Variants in SAMD4B observed in about 807,000 individuals in gnomAD.
The protein encoded by SAMD4B is sterile alpha motif domain containing 4B, also known as protein Smaug homolog 2.
In SAMD4B, 5 loss-of-function variants were observed where a neutral mutation model predicts 74.5. That is an observed-to-expected ratio of 0.07 (90% CI 0.04 to 0.14). SAMD4B has a LOEUF of 0.14. SAMD4B is among the 10% of genes least tolerant of loss of function. The pLI, the probability that SAMD4B is intolerant of heterozygous loss-of-function variation, is 1.00. For synonymous variants in SAMD4B, 373 were observed against 374.9 expected, an observed-to-expected ratio of 1.00 and a Z score of 0.06; for missense variants, 608 against 921.8, an observed-to-expected ratio of 0.66 and a Z score of 4.41.
downstream of SAMD4B, chr19:39,389,520 G>A: frequency 6.2e-7 from 1 of 1,614,180 alleles, no homozygotes; most frequent in Non-Finnish European, 8.5e-7. This position sits in a 1 kb window ranked among gnomAD's most constrained non-coding sequence, Gnocchi z 5.3. Flanking sequence ...TCTTCCAAAA[G>A]TTTCTCATCA....
downstream of SAMD4B, chr19:39,386,134 C>T (rs771449728): frequency 1.6e-5 from 26 of 1,614,028 alleles, no homozygotes; most frequent in Middle Eastern, 1.6e-4. This position sits in a 1 kb window ranked among gnomAD's most constrained non-coding sequence, Gnocchi z 6.1. Flanking sequence ...CCATTGCTGC[C>T]GCTGTCTGAA....
intron 3 of SAMD4B, chr19:39,369,292 C>A (rs993262346): frequency 9.8e-6 from 3 of 306,834 alleles, no homozygotes; most frequent in African/African-American, 6.6e-5. Flanking sequence ...ATGGTGACCT[C>A]CTAGGAGTGG....
At chr19:39,376,329 T>C (rs2145788484) in intron 5 of SAMD4B, 108 bp from the exon 6 acceptor site, 1 of 842,564 alleles carries the variant, frequency 1.2e-6, no homozygotes, top group Non-Finnish European at 1.9e-6. Flanking sequence ...CCCCTCCCAA[T>C]TTTTTGCATC....
At position 39,375,743 on chromosome 19, in the gene SAMD4B, A is replaced by G; in HGVS notation, c.761A>G (p.Glu254Gly). ...PQVPGEWPSP[E>G]ELGARAAFTT... is the part of the protein sequence containing the mutation. Reference sequence around the variant, plus strand: ...GTCCCTGGTGAGTGGCCGAGTCCAGAGGAGCTTGGGGCCCGGGCTGCTTTT... The same window carrying G: ...GTCCCTGGTGAGTGGCCGAGTCCAGGGGAGCTTGGGGCCCGGGCTGCTTTT... The change falls in exon 5 of 14, where the codon GAG becomes GGG. Residue 254 changes from glutamate to glycine, a missense_variant. Transcript: ENST00000610417. The surrounding 1 kb of genome is among the most constrained non-coding windows in gnomAD (Gnocchi z 4.1). 1 of 1,614,136 alleles carries G rather than the reference A, an allele frequency of 6.2e-7. No individual in the cohort carries two copies. The highest frequency in any genetic ancestry group is 8.5e-7 in the Non-Finnish European group (1 of 1,180,010).
chr19:39,369,387 G>T, intron 3 of SAMD4B: 1 of 476,076 alleles, frequency 2.1e-6, no homozygotes, highest in Non-Finnish European at 3.8e-6. Context: ...ATCAATAGTG[G>T]GATTGCACTT....
chr19:39,377,390 G>A (rs2077665101), intron 7 of SAMD4B, 95 bp from the exon 8 acceptor site: 1 of 1,106,782 alleles, frequency 9.0e-7, no homozygotes, highest in Non-Finnish European at 1.3e-6. Context: ...GTCCTACCCA[G>A]CCTTCTGCAA....
chr19:39,363,388 C>T (rs371281622), intron 3 of SAMD4B, among the ~76,000 whole-genome samples: 3 of 152,244 alleles, frequency 2.0e-5, no homozygotes, highest in Admixed American at 2.0e-4. Flanking sequence ...TCCAAGGAAT[C>T]AGAGATGTGT....
intron 3 of SAMD4B, among the ~76,000 whole-genome samples, chr19:39,364,559 A>AT (rs912914638): frequency 6.6e-6 from 1 of 151,320 alleles, no homozygotes; most frequent in African/African-American, 2.4e-5. Context: ...ACTTATTTTT[A>AT]TTTTTTTTTA....
At position 39,383,718 on chromosome 19, in the gene SAMD4B, G is replaced by A; in HGVS notation, c.*191G>A. 1 of 1,537,184 alleles carries A rather than the reference G, an allele frequency of 6.5e-7. No homozygotes were observed. Among genetic ancestry groups the A allele is most frequent in the Non-Finnish European group, 8.7e-7 (1 of 1,147,122 alleles). ...CTTGCTCACTCCCAGGCCCGTCGAG[G>A]GATCTCTGCTGAGGCCCGGGGAGTT... On this transcript the variant is annotated 3_prime_UTR_variant, in exon 14 of 14. Transcript: ENST00000610417. The surrounding 1 kb of genome is among the most constrained non-coding windows in gnomAD (Gnocchi z 4.1).
chr19:39,353,632 C>T (rs547912522), intron 1 of SAMD4B, among the ~76,000 whole-genome samples: 30 of 152,002 alleles, frequency 2.0e-4, no homozygotes, highest in Admixed American at 5.9e-4. Context: ...GATGGAATCC[C>T]GCTCTGTCAC....
At chr19:39,382,667 G>A (rs960836095) in intron 12 of SAMD4B, among the ~76,000 whole-genome samples, 5 of 152,132 alleles carry the variant, frequency 3.3e-5, no homozygotes, top group Non-Finnish European at 5.9e-5. Context: ...CCAGATGCCC[G>A]AATAGGAGGC....
chr19:39,371,260 C>T lies in SAMD4B; in HGVS notation c.667+1135C>T, dbSNP rs539502576. On this transcript the variant is annotated intron_variant, in intron 4 of 13. Transcript: ENST00000610417. Reference sequence around the variant, plus strand: ...ACATGTGTCAGTGGGTGGGGGTAACCTCGGGTCCCTAATGCCCCGCTGTCT... The same window carrying T: ...ACATGTGTCAGTGGGTGGGGGTAACTTCGGGTCCCTAATGCCCCGCTGTCT... Among the ~76,000 whole-genome samples, 5 of 152,284 alleles carry T rather than the reference C, an allele frequency of 3.3e-5. No individual in the cohort carries two copies. In the South Asian group the frequency reaches 1.0e-3, roughly 32 times the overall value.
intron 3 of SAMD4B, among the ~76,000 whole-genome samples, chr19:39,365,953 C>T (rs983665240): frequency 4.6e-5 from 7 of 152,140 alleles, no homozygotes; most frequent in Admixed American, 2.0e-4. Flanking sequence ...GTAATCTTAG[C>T]ACTTTGGGAG....
chr19:39,347,056 A>G (rs2075746285), intron 1 of SAMD4B, among the ~76,000 whole-genome samples: 2 of 152,250 alleles, frequency 1.3e-5, no homozygotes, highest in Non-Finnish European at 2.9e-5. Flanking sequence ...AAAGTGGTTT[A>G]ATGAAAAAAG....
chr19:39,343,303 C>T (rs1157055004), intron 1 of SAMD4B, among the ~76,000 whole-genome samples: 1 of 148,792 alleles, frequency 6.7e-6, no homozygotes, highest in East Asian at 2.0e-4. Flanking sequence ...TCCGCTCATA[C>T]CCCCTGCATT....
intron 1 of SAMD4B, chr19:39,350,680 G>C (rs991000711): frequency 6.6e-6 from 1 of 151,708 alleles, no homozygotes; most frequent in East Asian, 1.9e-4. Flanking sequence ...GTAGAGACAG[G>C]GTTTCACCGT....
At position 39,362,214 on chromosome 19, in the gene SAMD4B, A is replaced by C. The variant is rs186466914; in HGVS notation, c.196+5125A>C. Among the ~76,000 whole-genome samples the C allele has an allele frequency of 2.7e-4, 41 of 152,272 alleles. No individual in the cohort carries two copies. The East Asian group carries it at 7.7e-3, about 29-fold the overall frequency. ...ATCCCCCAGGGCCTTTCTAAAAATAATGTGAAGCCCAGGTCCTATCCCTGG... is the reference window on the plus strand; with the variant it reads ...ATCCCCCAGGGCCTTTCTAAAAATACTGTGAAGCCCAGGTCCTATCCCTGG... On this transcript the variant is annotated intron_variant, in intron 3 of 13. Transcript: ENST00000610417.
intron 3 of SAMD4B, among the ~76,000 whole-genome samples, chr19:39,368,175 C>T (rs1180358733): frequency 6.6e-6 from 1 of 152,004 alleles, no homozygotes; most frequent in Non-Finnish European, 1.5e-5. Context: ...GATCGCGCCA[C>T]TGCACTCCAG....
chr19:39,352,868 T>G (rs2145325792), intron 1 of SAMD4B, among the ~76,000 whole-genome samples: 1 of 150,312 alleles, frequency 6.7e-6, no homozygotes, highest in Non-Finnish European at 1.5e-5. Context: ...GTCGTTTTTT[T>G]GCTGTAAATG....
Sources: gnomAD v4.1 joint callset for allele counts (sites outside exome capture counted in the v4.1 genomes callset) on GRCh38, gnomAD v4.1.1 for gene constraint, Gnocchi (gnomAD v3.1) non-coding constraint, MANE v1.5 for transcripts, NCBI Gene and HGNC (gene_info 2026-07-23, HGNC 2026-07-21) for gene names.